JAM2: variants seen among roughly 807,000 people sequenced by gnomAD.
The protein encoded by JAM2 is junctional adhesion molecule 2, also known as junctional adhesion molecule B.
JAM2 carries 17 observed loss-of-function variants against 42.0 expected under a neutral mutation model. The ratio of observed to expected loss-of-function variants is 0.40; its 90% CI spans 0.28 to 0.61. The LOEUF (loss-of-function observed/expected upper bound fraction) is 0.61. JAM2 is among the 20% of genes least tolerant of loss of function. The pLI, the probability that JAM2 is intolerant of heterozygous loss-of-function variation, is 0.37. For synonymous variants in JAM2, 118 were observed against 128.6 expected (o/e 0.92, Z 0.56); for missense variants, 319 against 358.3 (o/e 0.89, Z 0.89).
At chr21:25,714,051 C>A (rs1219743048) in intron 9 of JAM2, among the ~76,000 whole-genome samples, 1 of 152,238 alleles carries the variant, frequency 6.6e-6, no homozygotes, top group Admixed American at 6.5e-5. Flanking sequence ...TGTGTAGCCA[C>A]AGGCCTGGCC....
At chr21:25,714,254 C>T (rs764778573) in intron 9 of JAM2, 45 of 1,293,968 alleles carry the variant, frequency 3.5e-5, no homozygotes, top group South Asian at 3.3e-4. Context: ...CGCCTGTAAT[C>T]CCAGCACTTT....
At chr21:25,644,093 G>A (rs761776280) in intron 1 of JAM2, 2 of 152,208 alleles carry the variant, frequency 1.3e-5, no homozygotes, top group Non-Finnish European at 2.9e-5. Flanking sequence ...GGAAGATGGT[G>A]GTGAAGATGG....
intron 8 of JAM2, 61 bp from the exon 9 acceptor site, chr21:25,712,279 T>C (rs2034399829): frequency 2.7e-6 from 3 of 1,104,684 alleles, no homozygotes; most frequent in Non-Finnish European, 4.2e-6. Context: ...TAAAAGAGCA[T>C]ATATGTTCCA....
intron 1 of JAM2, among the ~76,000 whole-genome samples, chr21:25,663,997 A>C (rs904017649): frequency 1.3e-5 from 2 of 152,094 alleles, no homozygotes; most frequent in South Asian, 2.1e-4. Flanking sequence ...TTCTCTTACC[A>C]CAGGCTATAA....
chr21:25,655,647 A>ATTTTT (rs536746237), intron 1 of JAM2, among the ~76,000 whole-genome samples: 2 of 90,782 alleles, frequency 2.2e-5, no homozygotes, highest in Non-Finnish European at 3.8e-5. Flanking sequence ...CGCCCAGCTA[A>ATTTTT]TTTTTTTTTT....
Position 25,683,896 on chromosome 21 carries a change from T to C in JAM2, c.81T>C (p.Tyr27=). The C allele has an allele frequency of 1.2e-6, 2 of 1,605,972 alleles. No homozygotes were observed. Among genetic ancestry groups the C allele is most frequent in the Non-Finnish European group, 1.7e-6 (2 of 1,173,044 alleles). The change falls in exon 2 of 10, where the codon TAT becomes TAC. Residue 27 remains tyrosine (Y), a synonymous_variant. Coordinates refer to ENST00000480456, the MANE Select transcript of JAM2 (RefSeq NM_021219.4). ...LVVALGYHKA[Y]GFSAPKDQQV... ...TTAATCTTTCAGATCATAAGGCCTA[T>C]GGGTTTTCTGCCCCAAAAGACCAAC...
At chr21:25,648,313 C>A (rs374791968) in intron 1 of JAM2, among the ~76,000 whole-genome samples, 29 of 152,192 alleles carry the variant, frequency 1.9e-4, no homozygotes, top group African/African-American at 5.5e-4. Context: ...TGCATTTGTC[C>A]AATAACTGAA....
chr21:25,714,776 A>T lies in JAM2; in HGVS notation c.*104A>T, dbSNP rs1322058822. On this transcript the variant is annotated 3_prime_UTR_variant, in exon 10 of 10. Coordinates refer to ENST00000480456, the MANE Select transcript of JAM2 (RefSeq NM_021219.4). ...ACATTTGCAAAGAGGTACACGAGGA[A>T]ATGGAATTGGTATTTCATTTTAATT... is the stretch of plus-strand genomic sequence containing the variant. 1.1e-5 allele frequency: 8 copies of T among 705,456 alleles called. No individual in the cohort carries two copies. Among genetic ancestry groups the T allele is most frequent in the African/African-American group, 1.9e-5 (1 of 53,544 alleles). The allele number at this position is 705,456 out of a possible 1,614,324, so 43.7% of individuals were successfully genotyped here. A position where few individuals can be genotyped will look rare whatever the true frequency, so the allele number is the denominator to read the frequency against.
At chr21:25,677,573 GAGTGTACTAA>G (rs1250289283) in intron 1 of JAM2, among the ~76,000 whole-genome samples, 2 of 152,116 alleles carry the variant, frequency 1.3e-5, no homozygotes, top group African/African-American at 2.4e-5. Flanking sequence ...TATAATCTCA[GAGTGTACTAA>G]AGTTTGCCTG....
rs948312771 is a variant in JAM2, at chr21:25,715,189, G to A, written c.*517G>A. The A allele has an allele frequency of 6.6e-6, 1 of 152,316 alleles. No individual in the cohort carries two copies. The highest frequency in any genetic ancestry group is 1.5e-5 in the Non-Finnish European group (1 of 68,086). 9.4% of individuals were successfully genotyped at this position (152,316 alleles called of 1,614,324 possible). On this transcript the variant is annotated 3_prime_UTR_variant, in exon 10 of 10. Transcript: ENST00000480456. ...AACACACCCACAGAAAGGAGGAAGC[G>A]GGATGGGTCTTATGCCCAAGGATTT...
chr21:25,712,417 A>ATGTT, intron 9 of JAM2, 35 bp downstream of exon 9: 2 of 1,441,386 alleles, frequency 1.4e-6, no homozygotes, highest in South Asian at 2.3e-5. Flanking sequence ...TAGAATGAAT[A>ATGTT]TGTTTGGGGA....
chr21:25,659,330 T>C lies in JAM2; in HGVS notation c.67+19442T>C, dbSNP rs1479092549. Among the ~76,000 whole-genome samples, 4 of 152,254 alleles carry C rather than the reference T, an allele frequency of 2.6e-5. No homozygotes were observed. In the East Asian group the frequency reaches 7.7e-4, roughly 29 times the overall value. On this transcript the variant is annotated intron_variant, in intron 1 of 9. Coordinates refer to ENST00000480456, the MANE Select transcript of JAM2 (RefSeq NM_021219.4). Reference sequence around the variant, plus strand: ...TCTTAAGCAAAGATAAGTATTATTATACGTCATGCATTTCCTAAATTTCAA... The same window carrying C: ...TCTTAAGCAAAGATAAGTATTATTACACGTCATGCATTTCCTAAATTTCAA...
chr21:25,639,625 C>A lies in JAM2; in HGVS notation c.-197C>A. On this transcript the variant is annotated 5_prime_UTR_variant, in exon 1 of 10. Coordinates refer to ENST00000480456, the MANE Select transcript of JAM2 (RefSeq NM_021219.4). Reference sequence around the variant, plus strand: ...ACCCCCATCCCTGGGCTGGAGGACCCGCCTCTTGGCAGCCAGCTGAGAAGG... The same window carrying A: ...ACCCCCATCCCTGGGCTGGAGGACCAGCCTCTTGGCAGCCAGCTGAGAAGG... 1.9e-6 allele frequency: 1 copy of A among 535,682 alleles called. No homozygotes were observed. The highest frequency in any genetic ancestry group is 3.3e-6 in the Non-Finnish European group (1 of 302,340). 33.2% of individuals were successfully genotyped at this position (535,682 alleles called of 1,614,324 possible).
At chr21:25,679,849 G>A (rs1250961846) in intron 1 of JAM2, among the ~76,000 whole-genome samples, 1 of 152,196 alleles carries the variant, frequency 6.6e-6, no homozygotes, top group Non-Finnish European at 1.5e-5. Flanking sequence ...AGCTTGCGGG[G>A]ATCACGGTGT....
intron 1 of JAM2, among the ~76,000 whole-genome samples, chr21:25,683,649 A>T (rs770088373): frequency 1.3e-5 from 2 of 152,088 alleles, no homozygotes; most frequent in Non-Finnish European, 2.9e-5. Context: ...GTCCAAATAG[A>T]TGCATGGATT....
intron 6 of JAM2, among the ~76,000 whole-genome samples, 177 bp from the exon 7 acceptor site, chr21:25,705,802 T>G (rs2034258778): frequency 6.6e-6 from 1 of 152,232 alleles, no homozygotes; most frequent in Admixed American, 6.5e-5. Flanking sequence ...GTTAATATTT[T>G]TAATCAATTT....
At chr21:25,695,131 T>A (rs1426850868) in intron 4 of JAM2, among the ~76,000 whole-genome samples, 1 of 152,136 alleles carries the variant, frequency 6.6e-6, no homozygotes, top group African/African-American at 2.4e-5. Flanking sequence ...CCTGCGGCCT[T>A]CCGCAGTGTT....
intron 1 of JAM2, among the ~76,000 whole-genome samples, chr21:25,671,173 C>T (rs1354931915): frequency 2.0e-5 from 3 of 152,114 alleles, no homozygotes; most frequent in Admixed American, 6.5e-5. Context: ...GATCATGGTC[C>T]GTGGAGACCA....
chr21:25,708,789 A>T (rs1283682118), intron 7 of JAM2, among the ~76,000 whole-genome samples: 3 of 152,142 alleles, frequency 2.0e-5, no homozygotes, highest in Non-Finnish European at 2.9e-5. Flanking sequence ...GTTAGTAAAA[A>T]AATTTTCCTA....
Sources: gnomAD v4.1 joint callset for allele counts (sites outside exome capture counted in the v4.1 genomes callset) on GRCh38, gnomAD v4.1.1 for gene constraint, MANE v1.5 for transcripts, NCBI Gene and HGNC (gene_info 2026-07-23, HGNC 2026-07-21) for gene names.